Variants in COA1 observed in about 807,000 individuals in gnomAD.
COA1 encodes the protein cytochrome c oxidase assembly factor 1, also known as cytochrome c oxidase assembly factor 1 homolog.
Under a neutral mutation model 16.0 loss-of-function variants are expected in COA1, and 13 were observed. The ratio of observed to expected loss-of-function variants is 0.81; its 90% CI spans 0.53 to 1.29. The LOEUF (loss-of-function observed/expected upper bound fraction) is 1.29. COA1 is among the 50% of genes most tolerant of loss of function. COA1 has a pLI of 0.00. For missense variants in COA1, 179 were observed against 177.0 expected (o/e 1.01, Z -0.06); for synonymous variants, 65 against 65.7 (o/e 0.99, Z 0.05).
At chr7:43,651,992 G>A (rs1282256735) in intron 1 of COA1, among the ~76,000 whole-genome samples, 3 of 152,128 alleles carry the variant, frequency 2.0e-5, no homozygotes, top group Non-Finnish European at 4.4e-5. Context: ...GCGAGGCCCT[G>A]TTTCAAAACA....
In COA1 at chr7:43,623,825, AATTT is replaced by A. The variant is rs762175288; in HGVS notation, c.*134-14334_*134-14331del. The A allele has an allele frequency of 4.4e-6, 7 of 1,602,284 alleles. 1 individual carries two copies. In the South Asian group the frequency reaches 8.0e-5, roughly 18 times the overall value. On this transcript the variant is annotated intron_variant and NMD_transcript_variant, in intron 6 of 6. Transcript: ENST00000415076. ...ATGAATTTAAGTTATTCTGAGGAAG[AATTT>A]GATGTTTTGTCTGAGTCGGCTGTTG...
chr7:43,725,980 C>T (rs1405279131), intron 1 of COA1, among the ~76,000 whole-genome samples: 4 of 149,808 alleles, frequency 2.7e-5, no homozygotes, highest in Non-Finnish European at 5.9e-5. Context: ...TTCCAACATG[C>T]CCCAAACAAT....
intron 1 of COA1, among the ~76,000 whole-genome samples, chr7:43,709,538 TTCTGCACGTTA>T (rs2095140804): frequency 6.6e-6 from 1 of 151,666 alleles, no homozygotes; most frequent in African/African-American, 2.4e-5. Context: ...ATTGTCACCG[TTCTGCACGTTA>T]TCTTTATAAC....
chr7:43,611,259 A>G (rs1376717971), intron 6 of COA1, among the ~76,000 whole-genome samples: 5 of 152,238 alleles, frequency 3.3e-5, no homozygotes, highest in Non-Finnish European at 5.9e-5. Context: ...CTCGTTTCCT[A>G]CAGAAAAATA....
downstream of COA1, among the ~76,000 whole-genome samples, chr7:43,638,528 T>G (rs1245870066): frequency 1.3e-5 from 2 of 151,980 alleles, no homozygotes; most frequent in African/African-American, 4.8e-5. Context: ...CTATTAGCTT[T>G]CTTTTTCCTT....
intron 6 of COA1, among the ~76,000 whole-genome samples, chr7:43,617,507 A>T (rs1042376856): frequency 3.9e-5 from 6 of 152,086 alleles, no homozygotes; most frequent in Non-Finnish European, 8.8e-5. Context: ...AGGAATGGCC[A>T]AGATGATTGT....
At chr7:43,626,106 A>C (rs1352233039) in intron 6 of COA1, 1 of 152,224 alleles carries the variant, frequency 6.6e-6, no homozygotes, top group Non-Finnish European at 1.5e-5. Context: ...GGCTCAGTGC[A>C]TTAAATATTT....
intron 1 of COA1, among the ~76,000 whole-genome samples, chr7:43,696,007 T>C (rs1398802075): frequency 6.6e-6 from 1 of 152,102 alleles, no homozygotes; most frequent in African/African-American, 2.4e-5. Context: ...TTAATCGACA[T>C]ACAGTTCCAC....
At chr7:43,638,566 C>CTTTTTTTTTTTTTTTTTT (rs746584234), downstream of COA1, among the ~76,000 whole-genome samples, 3 of 97,422 alleles carry the variant, frequency 3.1e-5, no homozygotes, top group Non-Finnish European at 4.3e-5. Context: ...TTTTTCTTTC[C>CTTTTTTTTTTTTTTTTTT]TTTTTTTTTT....
At chr7:43,705,799 T>C (rs2094948207) in intron 1 of COA1, among the ~76,000 whole-genome samples, 1 of 152,150 alleles carries the variant, frequency 6.6e-6, no homozygotes, top group African/African-American at 2.4e-5. Context: ...CTCCCACAGG[T>C]AGGCTCCCAG....
chr7:43,675,455 TGGGGGCA>T, intron 1 of COA1, among the ~76,000 whole-genome samples: 1 of 138,278 alleles, frequency 7.2e-6, no homozygotes, highest in African/African-American at 2.8e-5. Context: ...TGTTGTGGGG[TGGGGGCA>T]GGGGGGAGGG....
intron 1 of COA1, among the ~76,000 whole-genome samples, chr7:43,687,140 G>C (rs956547508): frequency 2.0e-5 from 3 of 152,108 alleles, no homozygotes; most frequent in Non-Finnish European, 4.4e-5. Context: ...TGCTTCCCCA[G>C]GATGCATTAA....
At chr7:43,724,296 T>C (rs563190957) in intron 1 of COA1, among the ~76,000 whole-genome samples, 2 of 152,252 alleles carry the variant, frequency 1.3e-5, no homozygotes, top group South Asian at 4.2e-4. Flanking sequence ...CTCACACCTG[T>C]TATCCCAGCA....
At position 43,639,474 on chromosome 7, in the gene COA1, C is replaced by T; in HGVS notation, c.*108G>A. The stretch of plus-strand genomic sequence containing the variant: ...CATCATCCCACTGGTGGCTGGAAAA[C>T]TGGGTTGCAGGAGTGTCTGTCACTG... On this transcript the variant is annotated 3_prime_UTR_variant, in exon 6 of 6. Coordinates refer to ENST00000223336, the MANE Select transcript of COA1 (RefSeq NM_018224.4). The T allele has an allele frequency of 4.9e-6, 4 of 812,004 alleles. No homozygotes were observed. The highest frequency in any genetic ancestry group is 8.3e-6 in the Non-Finnish European group (4 of 484,614). The allele number at this position is 812,004 out of a possible 1,614,324, so 50.3% of individuals were successfully genotyped here.
intron 6 of COA1, among the ~76,000 whole-genome samples, chr7:43,614,039 G>A (rs1583634186): frequency 6.6e-6 from 1 of 151,984 alleles, no homozygotes; most frequent in East Asian, 1.9e-4. Flanking sequence ...TCTAACCTGG[G>A]TTTTAATAGT....
intron 1 of COA1, among the ~76,000 whole-genome samples, chr7:43,678,151 T>C (rs1401853327): frequency 6.6e-6 from 1 of 152,236 alleles, no homozygotes; most frequent in Non-Finnish European, 1.5e-5. Context: ...AACAACTTAG[T>C]AATTTGTATA....
At chr7:43,728,360 G>T (rs1387498626) in intron 1 of COA1, among the ~76,000 whole-genome samples, 1 of 151,952 alleles carries the variant, frequency 6.6e-6, no homozygotes, top group Non-Finnish European at 1.5e-5. Context: ...TTTGTGTTTT[G>T]TTTTGTTTTC....
rs1403927072 is a variant in COA1 at position 43,671,789 on chromosome 7, C to T, written c.-38-23137G>A. On this transcript the variant is annotated intron_variant, in intron 1 of 5. Coordinates refer to ENST00000223336, the MANE Select transcript of COA1 (RefSeq NM_018224.4). ...AGGGCAGTTTCCCCCATGCTGTTCT[C>T]GTGATAGTGAGTCTCATGAGATCTG... 2.6e-5 allele frequency among the ~76,000 whole-genome samples: 4 copies of T among 152,084 alleles called. No individual in the cohort carries two copies. The East Asian group carries it at 7.7e-4, about 29-fold the overall frequency.
intron 6 of COA1, among the ~76,000 whole-genome samples, chr7:43,614,741 T>G (rs1357488518): frequency 6.6e-6 from 1 of 152,216 alleles, no homozygotes; most frequent in African/African-American, 2.4e-5. Flanking sequence ...TTTTAGAAAG[T>G]CTCTCACATT....
Sources: allele counts gnomAD v4.1 joint callset (sites outside exome capture counted in the v4.1 genomes callset), GRCh38; gene constraint gnomAD v4.1.1; transcripts MANE v1.5; gene names NCBI Gene and HGNC (gene_info 2026-07-23, HGNC 2026-07-21).